Variants in CPS1 observed in about 807,000 individuals in gnomAD.
CPS1 encodes carbamoyl-phosphate synthase 1, also known as carbamoyl-phosphate synthase [ammonia], mitochondrial.
Under a neutral mutation model 174.6 loss-of-function variants are expected in CPS1, and 109 were observed. The observed-to-expected ratio is 0.62, with a 90% CI of 0.53 to 0.73. The LOEUF is 0.73. CPS1 is among the 30% of genes least tolerant of loss of function. The pLI, the probability that CPS1 is intolerant of heterozygous loss-of-function variation, is 0.00. For missense variants in CPS1, 1,689 were observed against 1,821.9 expected, an observed-to-expected ratio of 0.93 and a Z score of 1.33; for synonymous variants, 637 against 632.0, an observed-to-expected ratio of 1.01 and a Z score of -0.12.
At chr2:210,545,957 C>A (rs74682191) in intron 1 of CPS1, among the ~76,000 whole-genome samples, 4,895 of 152,088 alleles carry the variant, frequency 0.032, 249 homozygotes, top group African/African-American at 0.11. Context: ...GGGAGAGCTG[C>A]TGGAGAGGAA....
chr2:210,557,985 G>A (rs1696972007), intron 1 of CPS1, among the ~76,000 whole-genome samples: 1 of 151,624 alleles, frequency 6.6e-6, no homozygotes, highest in Admixed American at 6.6e-5. Flanking sequence ...AAGGAAGAGA[G>A]ATGGAGACAG....
rs1403094583 is a variant in CPS1, at chr2:210,513,277, C to T, written c.3+35511C>T. ...TAAACTGCTTTCTACAGTAGCTGAG[C>T]TAATTTACATTCCCTTCAACAGTGT... On this transcript the variant is annotated intron_variant, in intron 1 of 38. Coordinates refer to the CPS1 transcript ENST00000430249. Among the ~76,000 whole-genome samples, 3 of 151,254 alleles carry T rather than the reference C, an allele frequency of 2.0e-5. No homozygotes were observed. The Admixed American group carries it at 2.0e-4, about 10-fold the overall frequency.
intron 1 of CPS1, among the ~76,000 whole-genome samples, chr2:210,524,495 A>G (rs1456411826): frequency 1.3e-5 from 2 of 151,936 alleles, no homozygotes; most frequent in African/African-American, 4.8e-5. Flanking sequence ...ACTATAATTA[A>G]GTAGTGGATA....
chr2:210,526,893 T>A (rs1695986813), intron 1 of CPS1, among the ~76,000 whole-genome samples: 1 of 151,988 alleles, frequency 6.6e-6, no homozygotes, highest in African/African-American at 2.4e-5. Context: ...CACTAATCAA[T>A]CAATACTGTA....
chr2:210,642,758 T>TACC, intron 25 of CPS1, 93 bp downstream of exon 25: 1 of 1,163,728 alleles, frequency 8.6e-7, no homozygotes, highest in Non-Finnish European at 1.2e-6. Context: ...TAGATGTATA[T>TACC]AGTAATTCCT....
At chr2:210,637,879 A>G (rs756288028) in intron 22 of CPS1, 36 bp downstream of exon 22, 2 of 1,612,758 alleles carry the variant, frequency 1.2e-6, no homozygotes, top group South Asian at 2.2e-5. Flanking sequence ...TCCCCCACTG[A>G]CAGGATTTCT....
chr2:210,602,312 G>C lies in CPS1; in HGVS notation c.1818G>C (p.Leu606Phe), dbSNP rs759111696. 1.9e-6 allele frequency: 3 copies of C among 1,612,566 alleles called. No homozygotes were observed. The highest frequency in any genetic ancestry group is 2.2e-5 in the East Asian group (1 of 44,780). Residue 606 changes from leucine to phenylalanine, a missense_variant, in exon 16 of 38, where the codon TTG (leucine) becomes TTC (phenylalanine). Leu to Phe is a conservative substitution (Grantham distance 22, BLOSUM62 0). Transcript: ENST00000233072. The part of the protein sequence containing the change: ...GSGICPNRET[L>F]MDLSTKAFAM... ...GCATCTGTCCCAACAGAGAGACTTTGATGGACCTCAGCACAAAGGTATGTA... is the reference window on the plus strand; with the variant it reads ...GCATCTGTCCCAACAGAGAGACTTTCATGGACCTCAGCACAAAGGTATGTA...
chr2:210,659,721 T>C (rs530744829), intron 31 of CPS1, among the ~76,000 whole-genome samples: 1 of 152,316 alleles, frequency 6.6e-6, no homozygotes, highest in South Asian at 2.1e-4. Context: ...GGGAAGAAGG[T>C]AAATTTGTAG....
intron 1 of CPS1, among the ~76,000 whole-genome samples, chr2:210,534,550 A>C (rs1696198916): frequency 6.6e-6 from 1 of 152,156 alleles, no homozygotes; most frequent in African/African-American, 2.4e-5. Flanking sequence ...AGTATCTTAG[A>C]AGGAATAAGC....
chr2:210,614,880 G>A lies in CPS1; in HGVS notation c.2569-1543G>A, dbSNP rs561049310. Among the ~76,000 whole-genome samples, 46 of 151,480 alleles carry A rather than the reference G, an allele frequency of 3.0e-4. No homozygotes were observed. In the South Asian group the frequency reaches 7.6e-3, roughly 25 times the overall value. On this transcript the variant is annotated intron_variant, in intron 20 of 37. Transcript: ENST00000233072. ...AGGGGAACATTTCACACCGGGGCCT[G>A]TCGGGGGGTGGGGAGGTAGGGGATG...
At chr2:210,555,627 C>T (rs1221877406), upstream of CPS1, 1 of 455,602 alleles carries the variant, frequency 2.2e-6, no homozygotes, top group Non-Finnish European at 4.4e-6. Flanking sequence ...CATTTTCTGT[C>T]ATCTTTTCTG....
chr2:210,650,110 C>G (rs1482711461), intron 27 of CPS1, among the ~76,000 whole-genome samples: 1 of 152,114 alleles, frequency 6.6e-6, no homozygotes, highest in Non-Finnish European at 1.5e-5. Flanking sequence ...CTAGAGCTAC[C>G]AGGATTCCCT....
intron 1 of CPS1, among the ~76,000 whole-genome samples, chr2:210,511,184 T>C (rs569853849): frequency 2.6e-5 from 4 of 152,294 alleles, no homozygotes; most frequent in East Asian, 3.9e-4. Context: ...ATATACACCA[T>C]GGAATACTAT....
At chr2:210,506,988 C>T (rs1695305270) in intron 1 of CPS1, among the ~76,000 whole-genome samples, 1 of 152,302 alleles carries the variant, frequency 6.6e-6, no homozygotes, top group Non-Finnish European at 1.5e-5. Flanking sequence ...CCTAATCTAG[C>T]AAGGCAGGCC....
chr2:210,607,228 C>T (rs780102208), intron 18 of CPS1, among the ~76,000 whole-genome samples: 149 of 151,926 alleles, frequency 9.8e-4, no homozygotes, highest in Non-Finnish European at 1.2e-3. Context: ...TTGCACTTTG[C>T]AGATGTTGTT....
chr2:210,543,340 G>C (rs1369797763), intron 1 of CPS1, among the ~76,000 whole-genome samples: 1 of 152,016 alleles, frequency 6.6e-6, no homozygotes, highest in East Asian at 1.9e-4. Context: ...AACACCTACA[G>C]GGTCTGGGGT....
At chr2:210,497,893 C>CATACATATATAT (rs373767668) in intron 1 of CPS1, among the ~76,000 whole-genome samples, 41 of 86,938 alleles carry the variant, frequency 4.7e-4, no homozygotes, top group African/African-American at 7.2e-4. Flanking sequence ...TATATACATA[C>CATACATATATAT]ATATATATAT....
rs373190893 is a variant in CPS1, at chr2:210,513,182, ATC to A, written c.3+35427_3+35428del. ...TATATATGTATGGATATATATATAT[ATC>A]TCTCTCTCTCCATAATGGGATTGCT... On this transcript the variant is annotated intron_variant, in intron 1 of 38. Coordinates refer to the CPS1 transcript ENST00000430249. 1.7e-3 allele frequency among the ~76,000 whole-genome samples: 248 copies of A among 144,108 alleles called. 26 individuals carry two copies. The highest frequency in any genetic ancestry group is 6.4e-4 in the Non-Finnish European group (42 of 65,360). The allele number at this position is 144,108 out of a possible 152,430, so 94.5% of individuals were successfully genotyped here.
intron 33 of CPS1, among the ~76,000 whole-genome samples, chr2:210,663,517 C>T (rs1387141909): frequency 6.6e-6 from 1 of 152,108 alleles, no homozygotes; most frequent in Non-Finnish European, 1.5e-5. Flanking sequence ...TCTCGGGTCT[C>T]TCTGTAACAA....
Sources: gnomAD v4.1 joint callset for allele counts (sites outside exome capture counted in the v4.1 genomes callset) on GRCh38, gnomAD v4.1.1 for gene constraint, MANE v1.5 for transcripts, NCBI Gene and HGNC (gene_info 2026-07-23, HGNC 2026-07-21) for gene names.